Variants in SH3BGRL observed in about 807,000 individuals in gnomAD.
The protein encoded by SH3BGRL is adapter SH3BGRL.
A neutral mutation model predicts 9.8 loss-of-function variants in SH3BGRL; 7 were observed. That is an observed-to-expected ratio of 0.72 (90% confidence interval 0.41 to 1.35). The LOEUF is 1.35. Among genes scored for constraint, SH3BGRL ranks in the 40% most tolerant of loss-of-function variants. The pLI is 0.01. For synonymous variants in SH3BGRL, 36 were observed against 29.1 expected, an observed-to-expected ratio of 1.24 and a Z score of -0.76; for missense variants, 73 against 84.4, an observed-to-expected ratio of 0.86 and a Z score of 0.53.
At chrX:81,245,779 T>C (rs1300216282) in intron 1 of SH3BGRL, among the ~76,000 whole-genome samples, 1 of 112,070 alleles carries the variant, frequency 8.9e-6, no homozygotes, top group Non-Finnish European at 1.9e-5. Context: ...TGAATAGTAC[T>C]GTGATGACTA....
chrX:81,287,233 C>A (rs1465046694), intron 3 of SH3BGRL, among the ~76,000 whole-genome samples: 1 of 110,995 alleles, frequency 9.0e-6, no homozygotes, highest in Non-Finnish European at 1.9e-5. Context: ...AAACTTTTAG[C>A]CAGACTAAGA....
intron 3 of SH3BGRL, among the ~76,000 whole-genome samples, chrX:81,294,458 G>A (rs1175948596): frequency 2.7e-5 from 3 of 110,663 alleles, no homozygotes; most frequent in Non-Finnish European, 3.8e-5. Context: ...CTTCCATGTG[G>A]TGTTGAGCCT....
At chrX:81,238,120 G>A (rs1250349800) in intron 1 of SH3BGRL, among the ~76,000 whole-genome samples, 1 of 110,061 alleles carries the variant, frequency 9.1e-6, no homozygotes, top group Non-Finnish European at 1.9e-5. Context: ...GGCCTTGGTT[G>A]GGTCTCTGAT....
At chrX:81,278,139 T>A (rs983753455) in intron 2 of SH3BGRL, among the ~76,000 whole-genome samples, 192 bp from the exon 3 acceptor site, 1 of 111,956 alleles carries the variant, frequency 8.9e-6, no homozygotes, top group Non-Finnish European at 1.9e-5. Context: ...ATTTTTGTAT[T>A]TTTAGTAGAG....
rs2075881171 is a variant in SH3BGRL, at chrX:81,297,921, G to A, written c.*694G>A. On this transcript the variant is annotated 3_prime_UTR_variant, in exon 4 of 4. Transcript: ENST00000373212. ...CTTGTTTAACTACACAGCTATGATG[G>A]AATGATATATCCAAGTTCCTTGCCT... The A allele has an allele frequency of 8.9e-6, 1 of 111,785 alleles. No homozygotes were observed. The highest frequency in any genetic ancestry group is 3.2e-5 in the African/African-American group (1 of 30,855). 9.2% of individuals were successfully genotyped at this position (111,785 alleles called of 1,213,427 possible). A position where few individuals can be genotyped will look rare whatever the true frequency, so the allele number is the denominator to read the frequency against.
rs1424631629 is a variant in SH3BGRL at position 81,257,896 on chromosome X, T to C, written c.46-19088T>C. On this transcript the variant is annotated intron_variant, in intron 1 of 3. Coordinates refer to ENST00000373212, the MANE Select transcript of SH3BGRL (RefSeq NM_003022.3). ...CTAGTAAGAGCTCAACATCTATGAATTGATTTTTTAAAATTCTGTAAAGCT... is the reference window on the plus strand; with the variant it reads ...CTAGTAAGAGCTCAACATCTATGAACTGATTTTTTAAAATTCTGTAAAGCT... 4.5e-5 allele frequency among the ~76,000 whole-genome samples: 5 copies of C among 110,624 alleles called. No individual in the cohort carries two copies. In the South Asian group the frequency reaches 1.2e-3, roughly 26 times the overall value.
At chrX:81,258,165 A>AT (rs1429362660) in intron 1 of SH3BGRL, among the ~76,000 whole-genome samples, 1 of 111,495 alleles carries the variant, frequency 9.0e-6, no homozygotes, top group East Asian at 2.8e-4. Flanking sequence ...TATCATTAAC[A>AT]TTTTTTCCTG....
chrX:81,278,307 T>C, intron 2 of SH3BGRL, 24 bp from the exon 3 acceptor site: 1 of 1,087,018 alleles, frequency 9.2e-7, no homozygotes. Flanking sequence ...TATTGCTAAT[T>C]CATCTTATCT....
chrX:81,227,562 T>A (rs1299723665), intron 1 of SH3BGRL, among the ~76,000 whole-genome samples: 2 of 111,478 alleles, frequency 1.8e-5, no homozygotes, highest in Non-Finnish European at 3.8e-5. Flanking sequence ...GGAAATCAGT[T>A]GCCTAAAGGA....
At chrX:81,276,339 C>T (rs1325404742) in intron 1 of SH3BGRL, among the ~76,000 whole-genome samples, 3 of 109,023 alleles carry the variant, frequency 2.8e-5, no homozygotes, top group Admixed American at 9.7e-5. Flanking sequence ...ATGACCAAAA[C>T]TGCAATTACT....
intron 3 of SH3BGRL, among the ~76,000 whole-genome samples, chrX:81,293,977 G>A (rs765511547): frequency 1.8e-5 from 2 of 111,664 alleles, no homozygotes; most frequent in Non-Finnish European, 3.8e-5. Flanking sequence ...CTTTGAACTT[G>A]AGAAAGGTGG....
chrX:81,216,046 C>T (rs1436458052), intron 1 of SH3BGRL, among the ~76,000 whole-genome samples: 1 of 111,457 alleles, frequency 9.0e-6, no homozygotes, highest in Non-Finnish European at 1.9e-5. Flanking sequence ...TCTATAATTC[C>T]CTCACCTTGA....
chrX:81,222,374 C>T (rs2075602714), intron 1 of SH3BGRL, among the ~76,000 whole-genome samples: 2 of 96,153 alleles, frequency 2.1e-5, no homozygotes, highest in African/African-American at 7.7e-5. Context: ...TTCCTGTGTC[C>T]ATGTGTTCTC....
At chrX:81,235,384 G>T (rs1239552389) in intron 1 of SH3BGRL, among the ~76,000 whole-genome samples, 1 of 110,562 alleles carries the variant, frequency 9.0e-6, no homozygotes, top group East Asian at 2.8e-4. Flanking sequence ...AAGGGTCAGA[G>T]AATTTGTATT....
rs185946792 is a variant in SH3BGRL at position 81,226,668 on chromosome X, G to A, written c.45+24423G>A. Among the ~76,000 whole-genome samples the A allele has an allele frequency of 7.2e-4, 75 of 104,229 alleles. No homozygotes were observed. The East Asian group carries it at 7.7e-3, about 11-fold the overall frequency. 90.5% of individuals were successfully genotyped at this position (104,229 alleles called of 115,157 possible). On this transcript the variant is annotated intron_variant, in intron 1 of 3. Transcript: ENST00000373212. ...GGTGGGCCCTAAATGTAATAACAAC[G>A]GTCTTTTTAGTAGAAAGGCAGAGGG...
At chrX:81,215,632 A>G (rs964361655) in intron 1 of SH3BGRL, among the ~76,000 whole-genome samples, 2 of 111,198 alleles carry the variant, frequency 1.8e-5, no homozygotes, top group African/African-American at 6.5e-5. Flanking sequence ...CTGCCTGTTG[A>G]TAAGCTGCCT....
chrX:81,281,899 T>A lies in SH3BGRL; in HGVS notation c.312+3488T>A, dbSNP rs1254235154. 4.5e-5 allele frequency among the ~76,000 whole-genome samples: 5 copies of A among 112,007 alleles called. No individual in the cohort carries two copies. In the Admixed American group the frequency reaches 4.7e-4, roughly 11 times the overall value. On this transcript the variant is annotated intron_variant, in intron 3 of 3. Transcript: ENST00000373212. ...ACTTGAAAGATACAGAACTGCAGAA[T>A]GGATAAGAACTCGCCAACCAACTAT...
intron 1 of SH3BGRL, among the ~76,000 whole-genome samples, chrX:81,251,576 C>T (rs1347294585): frequency 9.0e-6 from 1 of 111,434 alleles, no homozygotes; most frequent in Non-Finnish European, 1.9e-5. Context: ...GCTCTGAGAA[C>T]TGTTTTCTCA....
At chrX:81,230,588 T>G (rs2075630062) in intron 1 of SH3BGRL, among the ~76,000 whole-genome samples, 1 of 112,117 alleles carries the variant, frequency 8.9e-6, no homozygotes, top group African/African-American at 3.2e-5. Context: ...CTTGGCATAT[T>G]TGAGGAACAC....
Sources: gnomAD v4.1 joint callset for allele counts (sites outside exome capture counted in the v4.1 genomes callset) on GRCh38, gnomAD v4.1.1 for gene constraint, MANE v1.5 for transcripts, NCBI Gene and HGNC (gene_info 2026-07-23, HGNC 2026-07-21) for gene names.